The following TPR variants were observed in gnomAD, a reference collection of about 807,000 sequenced individuals.
The protein encoded by TPR is nucleoprotein TPR.
TPR carries 51 observed loss-of-function variants against 316.1 expected under a neutral mutation model. The ratio of observed to expected loss-of-function variants is 0.16; its 90% confidence interval spans 0.13 to 0.20. The LOEUF is 0.20. TPR is among the 10% of genes least tolerant of loss of function. The probability of loss-of-function intolerance (pLI) is 1.00; values close to 1 mark genes in which losing one functional copy is unlikely to be tolerated. For missense variants in TPR, 2,272 were observed against 2,754.8 expected, an observed-to-expected ratio of 0.82 and a Z score of 3.92; for synonymous variants, 981 against 914.7, an observed-to-expected ratio of 1.07 and a Z score of -1.31.
chr1:186,345,973 T>C (rs1318915088), intron 23 of TPR, among the ~76,000 whole-genome samples, 162 bp downstream of exon 23: 1 of 152,128 alleles, frequency 6.6e-6, no homozygotes, highest in Non-Finnish European at 1.5e-5. Flanking sequence ...CAACGGGAAA[T>C]GTATATAGAG....
chr1:186,371,439 C>T (rs903070604), intron 2 of TPR, among the ~76,000 whole-genome samples: 9 of 152,066 alleles, frequency 5.9e-5, no homozygotes, highest in Non-Finnish European at 1.3e-4. Flanking sequence ...AACTATATAA[C>T]ATGTATATAC....
rs1309511553 is a variant in TPR at position 186,360,460 on chromosome 1, T to G, written c.1100-96A>C. 4 of 1,248,100 alleles carry G rather than the reference T, an allele frequency of 3.2e-6. No individual in the cohort carries two copies. The East Asian group carries it at 7.5e-5, about 23-fold the overall frequency. The allele number at this position is 1,248,100 out of a possible 1,614,324, so 77.3% of individuals were successfully genotyped here. On this transcript the variant is annotated intron_variant, in intron 10 of 50. Transcript: ENST00000367478. ...GGTAAGTGACATGTACTGTACATTA[T>G]ATAGTAATTCCTATAAAAATTTTAA...
At chr1:186,352,820 T>C (rs1178264418) in intron 18 of TPR, among the ~76,000 whole-genome samples, 1 of 152,210 alleles carries the variant, frequency 6.6e-6, no homozygotes, top group African/African-American at 2.4e-5. Flanking sequence ...AGGCAAATTA[T>C]ACATTAGCTC....
intron 27 of TPR, chr1:186,341,617 C>T (rs1558009744): frequency 6.4e-6 from 3 of 470,264 alleles, no homozygotes; most frequent in Non-Finnish European, 1.1e-5. Flanking sequence ...TGCTACAAAT[C>T]CCACCAACAA....
rs1480735043 is a variant in TPR, at chr1:186,373,360, G to A, written c.255C>T (p.Leu85=). ...TACAAAGATGAATTAAATACTTACTGAGTTTCTCTAGCTCAAGCCGCAAGC... is the reference window on the plus strand; with the variant it reads ...TACAAAGATGAATTAAATACTTACTAAGTTTCTCTAGCTCAAGCCGCAAGC... ...CQSLRLELEK[L]NNQLKALTEK... The change falls in exon 2 of 51, where the codon CTC becomes CTT. Residue 85 remains leucine (L), a splice_region_variant and synonymous_variant. Coordinates refer to ENST00000367478, the MANE Select transcript of TPR (RefSeq NM_003292.3). 2 of 1,608,958 alleles carry A rather than the reference G, an allele frequency of 1.2e-6. No homozygotes were observed. The highest frequency in any genetic ancestry group is 3.3e-5 in the Admixed American group (2 of 59,780).
chr1:186,312,391 T>TA lies in TPR; in HGVS notation c.*1579dup, dbSNP rs1557971250. ...GACAAAGGTAACATTTTTATTGTGT[T>TA]AAAAAAATCCTTAAACATAAGTAGA... On this transcript the variant is annotated 3_prime_UTR_variant, in exon 51 of 51. Transcript: ENST00000367478. The TA allele has an allele frequency of 2.1e-5, 33 of 1,591,548 alleles. No individual in the cohort carries two copies. Among genetic ancestry groups the TA allele is most frequent in the Non-Finnish European group, 2.6e-5 (30 of 1,168,382 alleles).
At position 186,344,056 on chromosome 1, in the gene TPR, T is replaced by C. The variant is rs749075810; in HGVS notation, c.3452A>G (p.Asp1151Gly). 20 of 1,613,992 alleles carry C rather than the reference T, an allele frequency of 1.2e-5. No homozygotes were observed. In the South Asian group the frequency reaches 2.1e-4, roughly 17 times the overall value. ...AAGTAATCTGTTTTGTTTCTCCAGATCTTCACAGCGACATACACATTTGGA... is the reference window on the plus strand; with the variant it reads ...AAGTAATCTGTTTTGTTTCTCCAGACCTTCACAGCGACATACACATTTGGA... Reference protein sequence around the residue: ...EVSKCVCRCEDLEKQNRLLHD... With the variant: ...EVSKCVCRCEGLEKQNRLLHD... The change falls in exon 26 of 51, where the codon GAT becomes GGT. Residue 1151 changes from aspartate to glycine, a missense_variant. Transcript: ENST00000367478.
chr1:186,330,199 G>C (rs1018404894), intron 39 of TPR, among the ~76,000 whole-genome samples: 1 of 152,152 alleles, frequency 6.6e-6, no homozygotes, highest in African/African-American at 2.4e-5. Context: ...GTAGGTCAAG[G>C]GTTCAGGGCC....
intron 33 of TPR, among the ~76,000 whole-genome samples, chr1:186,335,811 C>T (rs182545740): frequency 2.0e-5 from 3 of 152,024 alleles, no homozygotes; most frequent in African/African-American, 4.8e-5. Context: ...TTAACAGAAG[C>T]CCGTTTATAT....
chr1:186,323,522 G>A (rs2102054106), intron 43 of TPR, among the ~76,000 whole-genome samples, 164 bp downstream of exon 43: 1 of 152,126 alleles, frequency 6.6e-6, no homozygotes, highest in Non-Finnish European at 1.5e-5. Context: ...TCAGAGATTA[G>A]TTTTAGTTCA....
chr1:186,363,840 A>G lies in TPR; in HGVS notation c.428-395T>C, dbSNP rs191224142. 2.6e-5 allele frequency among the ~76,000 whole-genome samples: 4 copies of G among 152,278 alleles called. No individual in the cohort carries two copies. In the East Asian group the frequency reaches 7.7e-4, roughly 29 times the overall value. The stretch of plus-strand genomic sequence containing the variant: ...AAAATTTATCAAAACTTATGCACAC[A>G]AACACTACACAACCCTATCTGCAAT... On this transcript the variant is annotated intron_variant, in intron 4 of 50. Coordinates refer to ENST00000367478, the MANE Select transcript of TPR (RefSeq NM_003292.3).
intron 26 of TPR, 139 bp from the exon 27 acceptor site, chr1:186,343,612 G>C (rs2102075030): frequency 3.7e-6 from 3 of 816,388 alleles, no homozygotes; most frequent in South Asian, 4.1e-5. Flanking sequence ...ATAATAATGG[G>C]AGATGTATTT....
At chr1:186,339,257 C>T (rs1322077474) in intron 30 of TPR, among the ~76,000 whole-genome samples, 3 of 151,916 alleles carry the variant, frequency 2.0e-5, no homozygotes, top group African/African-American at 7.3e-5. Flanking sequence ...GAGGGAAACA[C>T]TGTTCTCCAC....
At chr1:186,355,355 G>T in intron 17 of TPR, 55 bp downstream of exon 17, 2 of 1,537,702 alleles carry the variant, frequency 1.3e-6, no homozygotes, top group South Asian at 2.4e-5. Context: ...TAAATGATTT[G>T]AATTGTAAAG....
At chr1:186,359,100 A>G (rs1312328931) in intron 12 of TPR, among the ~76,000 whole-genome samples, 2 of 152,176 alleles carry the variant, frequency 1.3e-5, no homozygotes, top group Non-Finnish European at 2.9e-5. Flanking sequence ...TTCTTTTCCA[A>G]CAAAAGGGAA....
At chr1:186,341,593 C>T (rs1658507075) in intron 27 of TPR, 1 of 505,366 alleles carries the variant, frequency 2.0e-6, no homozygotes, top group Non-Finnish European at 3.4e-6. Flanking sequence ...ATTACAAAGA[C>T]AAAAGTGAAA....
chr1:186,330,674 GT>G (rs1222625740), intron 39 of TPR, among the ~76,000 whole-genome samples: 1 of 152,112 alleles, frequency 6.6e-6, no homozygotes, highest in East Asian at 1.9e-4. Flanking sequence ...TCCCTGCCCT[GT>G]GTGAAGACAG....
chr1:186,334,584 T>C (rs542933605), intron 35 of TPR, 51 bp from the exon 36 acceptor site: 1 of 1,563,478 alleles, frequency 6.4e-7, no homozygotes, highest in African/African-American at 1.4e-5. Flanking sequence ...ATTATGCAAA[T>C]ACTTTTAAAA....
At chr1:186,346,019 G>T in intron 23 of TPR, 116 bp downstream of exon 23, 3 of 1,156,350 alleles carry the variant, frequency 2.6e-6, no homozygotes, top group Non-Finnish European at 3.6e-6. Flanking sequence ...CTAAAATTTT[G>T]CCTATGTGTT....
Sources: gnomAD v4.1 joint callset for allele counts (sites outside exome capture counted in the v4.1 genomes callset) on GRCh38, gnomAD v4.1.1 for gene constraint, MANE v1.5 for transcripts, NCBI Gene and HGNC (gene_info 2026-07-23, HGNC 2026-07-21) for gene names.